Variants in CDH23 observed in about 807,000 individuals in gnomAD.
The protein encoded by CDH23 is cadherin-23.
A neutral mutation model predicts 317.1 loss-of-function variants in CDH23; 189 were observed. The ratio of observed to expected loss-of-function variants is 0.60; its 90% CI spans 0.53 to 0.67. CDH23 has a LOEUF of 0.67. CDH23 is among the 30% of genes least tolerant of loss of function. The probability of loss-of-function intolerance (pLI) is 0.00; values close to 1 mark genes in which losing one functional copy is unlikely to be tolerated. For missense variants in CDH23, 4,401 were observed against 4,592.4 expected (o/e 0.96, Z 1.20); for synonymous variants, 1,839 against 1,876.8 (o/e 0.98, Z 0.52).
intron 8 of CDH23, among the ~76,000 whole-genome samples, chr10:71,575,779 T>G (rs1046947416): frequency 1.3e-5 from 2 of 152,228 alleles, no homozygotes; most frequent in Non-Finnish European, 2.9e-5. Flanking sequence ...TTCAGTATAT[T>G]GAAAATATAA....
rs780661396 is a variant in CDH23 at position 71,677,613 on chromosome 10, G to A, written c.1672G>A (p.Val558Met). The change falls in exon 16 of 70, where the codon GTG (valine) becomes ATG (methionine). Residue 558 changes from valine (V) to methionine (M), a missense_variant. Val to Met is a conservative substitution (Grantham distance 21, BLOSUM62 1). Around this residue, in one of 3 missense-constraint regions of CDH23, gnomAD observed 3,068 missense variants for 3,203.3 expected, o/e 0.96. Coordinates refer to ENST00000224721, the MANE Select transcript of CDH23 (RefSeq NM_022124.6). ...RINVLDVNDN[V>M]PTFQKDAYVG... is the part of the protein sequence containing the mutation. ...CAATGTGTTGGATGTCAACGACAACGTGCCCACCTTCCAGAAGGATGCCTA... is the reference window on the plus strand; with the variant it reads ...CAATGTGTTGGATGTCAACGACAACATGCCCACCTTCCAGAAGGATGCCTA... 1.1e-4 allele frequency: 184 copies of A among 1,603,260 alleles called. 1 individual carries two copies. In the Middle Eastern group the frequency reaches 3.6e-3, roughly 32 times the overall value.
intron 11 of CDH23, among the ~76,000 whole-genome samples, chr10:71,631,972 T>C (rs1862033432): frequency 6.6e-6 from 1 of 152,242 alleles, no homozygotes; most frequent in African/African-American, 2.4e-5. Context: ...CAGAGGTGGC[T>C]GGGGGTGGGA....
Position 71,492,919 on chromosome 10 carries a change from A to G in CDH23, c.146-17163A>G, listed in dbSNP as rs556920222. Among the ~76,000 whole-genome samples the G allele has an allele frequency of 6.6e-5, 10 of 152,268 alleles. No individual in the cohort carries two copies. In the East Asian group the frequency reaches 1.7e-3, roughly 27 times the overall value. On this transcript the variant is annotated intron_variant, in intron 3 of 69. Transcript: ENST00000224721. ...CGGCTTGCCCCTGCCACAGCTTCTT[A>G]GGCAGCAACAAGGCCAAAGAAGTGG...
intron 3 of CDH23, among the ~76,000 whole-genome samples, chr10:71,452,054 T>C (rs938326222): frequency 3.9e-5 from 6 of 152,332 alleles, no homozygotes; most frequent in African/African-American, 1.4e-4. Flanking sequence ...TACGTGCCTA[T>C]GCTTGTGAAC....
intron 6 of CDH23, among the ~76,000 whole-genome samples, chr10:71,536,755 T>C (rs888013493): frequency 6.6e-6 from 1 of 152,006 alleles, no homozygotes; most frequent in African/African-American, 2.4e-5. Flanking sequence ...GGAAAGGTCT[T>C]CAGGAGAAGG....
In CDH23 at chr10:71,784,983, T is replaced by A. The variant is rs1324094419; in HGVS notation, c.5595T>A (p.Pro1865=). The A allele has an allele frequency of 6.2e-7, 1 of 1,614,074 alleles. No individual in the cohort carries two copies. Among genetic ancestry groups the A allele is most frequent in the South Asian group, 1.1e-5 (1 of 91,088 alleles). Residue 1865 remains proline, a synonymous_variant, in exon 43 of 70, where the codon CCT becomes CCA. Coordinates refer to ENST00000224721, the MANE Select transcript of CDH23 (RefSeq NM_022124.6). ...ACATCACCATCAGCGAGAACAGCCCTGTCTCCAGCTTTGTCGCCCATGTCC... is the reference window on the plus strand; with the variant it reads ...ACATCACCATCAGCGAGAACAGCCCAGTCTCCAGCTTTGTCGCCCATGTCC... ...PMNITISENS[P]VSSFVAHVLA...
intron 9 of CDH23, among the ~76,000 whole-genome samples, chr10:71,603,618 G>GGC (rs1860361106): frequency 3.3e-5 from 5 of 152,306 alleles, no homozygotes; most frequent in African/African-American, 1.2e-4. Context: ...GCAGCAGGGG[G>GGC]GGCCTCCTTT....
chr10:71,542,106 A>G (rs1589186330), intron 6 of CDH23, among the ~76,000 whole-genome samples: 1 of 152,156 alleles, frequency 6.6e-6, no homozygotes, highest in Non-Finnish European at 1.5e-5. Flanking sequence ...GCTTGGTCCC[A>G]TGCAGGAGGA....
In CDH23 at chr10:71,793,218, A is replaced by T; in HGVS notation, c.6290A>T (p.Asp2097Val). The change falls in exon 48 of 70, where the codon GAC (aspartate) becomes GTC (valine). Residue 2097 changes from aspartate to valine, a missense_variant. Coordinates refer to ENST00000224721, the MANE Select transcript of CDH23 (RefSeq NM_022124.6). ...SVLQVTATDEDSGLNGELVYR... is the reference protein window; with the variant it reads ...SVLQVTATDEVSGLNGELVYR... ...CTTCAAGTCACAGCCACAGATGAGG[A>T]CAGTGGCCTCAATGGGGAGCTGGTC... 1.2e-6 allele frequency: 2 copies of T among 1,613,722 alleles called. No individual in the cohort carries two copies. The highest frequency in any genetic ancestry group is 1.7e-6 in the Non-Finnish European group (2 of 1,179,786).
At position 71,713,302 on chromosome 10, in the gene CDH23, A is replaced by G. The variant is rs766040327; in HGVS notation, c.3369+489A>G. The G allele has an allele frequency of 7.7e-6, 6 of 779,048 alleles. No individual in the cohort carries two copies. The South Asian group carries it at 8.1e-5, about 10-fold the overall frequency. 48.3% of individuals were successfully genotyped at this position (779,048 alleles called of 1,614,324 possible). On this transcript the variant is annotated intron_variant, in intron 28 of 69. Coordinates refer to ENST00000224721, the MANE Select transcript of CDH23 (RefSeq NM_022124.6). ...CAACAGCTCCAAGGCTCAGAGGGAGAGAAGGGAGGACCCTGAAAACAATTT... is the reference window on the plus strand; with the variant it reads ...CAACAGCTCCAAGGCTCAGAGGGAGGGAAGGGAGGACCCTGAAAACAATTT...
chr10:71,469,797 G>A (rs1020076595), intron 3 of CDH23, among the ~76,000 whole-genome samples: 2 of 152,082 alleles, frequency 1.3e-5, no homozygotes, highest in Admixed American at 1.3e-4. Context: ...TAGAGATGGG[G>A]TTTCCACATG....
At chr10:71,752,903 A>G (rs371916552) in intron 38 of CDH23, 88 of 1,553,722 alleles carry the variant, frequency 5.7e-5, no homozygotes, top group Middle Eastern at 1.7e-4. Flanking sequence ...CAGGGCCCCT[A>G]CTGCACAGAA....
At chr10:71,759,938 C>CACACACATATAT (rs1840277181) in intron 38 of CDH23, among the ~76,000 whole-genome samples, 1 of 108,388 alleles carries the variant, frequency 9.2e-6, no homozygotes. Context: ...CACATATATA[C>CACACACATATAT]ACACACACAT....
chr10:71,803,401 C>T lies in CDH23; in HGVS notation c.7853C>T (p.Thr2618Ile). ...RPVFVRPPNG[T>I]ILHIREEIPL... ...GTCTTTGTGCGCCCACCCAACGGCACCATCCTCCACATCAGAGAGGTACTC... is the reference window on the plus strand; with the variant it reads ...GTCTTTGTGCGCCCACCCAACGGCATCATCCTCCACATCAGAGAGGTACTC... Residue 2618 changes from threonine (T) to isoleucine (I), a missense_variant, in exon 55 of 70, where the codon ACC (threonine) becomes ATC (isoleucine). Coordinates refer to ENST00000224721, the MANE Select transcript of CDH23 (RefSeq NM_022124.6). The T allele has an allele frequency of 6.3e-7, 1 of 1,595,530 alleles. No homozygotes were observed. Among genetic ancestry groups the T allele is most frequent in the Non-Finnish European group, 8.5e-7 (1 of 1,171,788 alleles).
In CDH23 at chr10:71,646,611, A is replaced by G. The variant is rs1187671965; in HGVS notation, c.1443A>G (p.Thr481=). The change falls in exon 14 of 70, where the codon ACA becomes ACG. Residue 481 remains threonine, a synonymous_variant. Coordinates refer to ENST00000224721, the MANE Select transcript of CDH23 (RefSeq NM_022124.6). The stretch of plus-strand genomic sequence containing the variant: ...TCACCGTGGGGACCTCTGTGCTGAC[A>G]GTCCTGGTGAGTCCCCGCTTCACTG... The part of the protein sequence containing the change: ...ENVTVGTSVL[T]VLATDNDAGT... 6.2e-7 allele frequency: 1 copy of G among 1,614,016 alleles called. No homozygotes were observed. The highest frequency in any genetic ancestry group is 8.5e-7 in the Non-Finnish European group (1 of 1,179,886).
At chr10:71,680,759 AAAAAG>A (rs1254098753) in intron 17 of CDH23, among the ~76,000 whole-genome samples, 1 of 146,494 alleles carries the variant, frequency 6.8e-6, no homozygotes, top group Non-Finnish European at 1.5e-5. Context: ...AAAAAAAAAA[AAAAAG>A]AAAAAGAAAT....
At chr10:71,685,705 C>T (rs572855627) in intron 18 of CDH23, among the ~76,000 whole-genome samples, 4 of 152,266 alleles carry the variant, frequency 2.6e-5, no homozygotes, top group South Asian at 4.1e-4. Flanking sequence ...CTGGGGCAGC[C>T]GGAGAGTCTG....
rs1053272326 is a variant in CDH23 at position 71,778,183 on chromosome 10, C to T, written c.5068-6C>T. ...TCCATCCTTGTCCCTTCCCTGTGTC[C>T]CCCAGGGTGTCATCACTGCTGCCAA... On this transcript the variant is annotated splice_region_variant and splice_polypyrimidine_tract_variant and intron_variant, in intron 39 of 69. Transcript: ENST00000224721. 1.9e-6 allele frequency: 3 copies of T among 1,613,682 alleles called. No homozygotes were observed. Among genetic ancestry groups the T allele is most frequent in the Non-Finnish European group, 2.5e-6 (3 of 1,179,866 alleles).
At chr10:71,562,488 A>G (rs1280989821) in intron 6 of CDH23, among the ~76,000 whole-genome samples, 1 of 152,076 alleles carries the variant, frequency 6.6e-6, no homozygotes, top group East Asian at 1.9e-4. Context: ...GTGGCCTGGC[A>G]CTTTGCTTGC....
Sources: gnomAD v4.1 joint callset for allele counts (sites outside exome capture counted in the v4.1 genomes callset) on GRCh38, gnomAD v4.1.1 for gene constraint, gnomAD v4.1.1 regional missense constraint, MANE v1.5 for transcripts, NCBI Gene and HGNC (gene_info 2026-07-23, HGNC 2026-07-21) for gene names.